ARHGAP42: variants seen among roughly 807,000 people sequenced by gnomAD.
The protein encoded by ARHGAP42 is Rho GTPase activating protein 42.
In ARHGAP42, 63 loss-of-function variants were observed where a neutral mutation model predicts 125.0. The observed-to-expected ratio is 0.50, with a 90% confidence interval of 0.41 to 0.62. The LOEUF (loss-of-function observed/expected upper bound fraction) is 0.62. ARHGAP42 is among the 20% of genes least tolerant of loss of function. The pLI, the probability that ARHGAP42 is intolerant of heterozygous loss-of-function variation, is 0.00. For missense variants in ARHGAP42, 766 were observed against 1,024.2 expected, an observed-to-expected ratio of 0.75 and a Z score of 3.44; for synonymous variants, 339 against 351.0, an observed-to-expected ratio of 0.97 and a Z score of 0.38.
chr11:100,768,705 A>T (rs1304431113), intron 1 of ARHGAP42, among the ~76,000 whole-genome samples: 1 of 152,072 alleles, frequency 6.6e-6, no homozygotes, highest in African/African-American at 2.4e-5. Flanking sequence ...GAGAGATGGG[A>T]TCTTTAAAAT....
Position 100,713,629 on chromosome 11 carries a change from G to A in ARHGAP42, c.154+25797G>A, listed in dbSNP as rs532932540. Among the ~76,000 whole-genome samples the A allele has an allele frequency of 2.6e-5, 4 of 152,106 alleles. No homozygotes were observed. In the East Asian group the frequency reaches 7.7e-4, roughly 29 times the overall value. On this transcript the variant is annotated intron_variant, in intron 1 of 23. Transcript: ENST00000298815. The stretch of plus-strand genomic sequence containing the variant: ...TACTTAAGCTAAAATAAATGACCGA[G>A]TAAAAAAAATAATTTGGTTTCTCTT...
chr11:100,716,308 C>G (rs1861659668), intron 1 of ARHGAP42, among the ~76,000 whole-genome samples: 1 of 152,086 alleles, frequency 6.6e-6, no homozygotes, highest in African/African-American at 2.4e-5. Context: ...CATTTTAAGA[C>G]CTGCTTGTGG....
chr11:100,692,702 G>A (rs149365056), intron 1 of ARHGAP42, among the ~76,000 whole-genome samples: 1 of 152,272 alleles, frequency 6.6e-6, no homozygotes, highest in African/African-American at 2.4e-5. Flanking sequence ...GTCAGTTAAG[G>A]CATTAGCCAG....
chr11:100,887,073 G>A (rs1410885156), intron 4 of ARHGAP42, among the ~76,000 whole-genome samples: 2 of 152,074 alleles, frequency 1.3e-5, no homozygotes, highest in Non-Finnish European at 2.9e-5. Flanking sequence ...GTAAATATTG[G>A]TAAGATTCCA....
chr11:100,854,174 G>T (rs1387822383), intron 3 of ARHGAP42, among the ~76,000 whole-genome samples: 1 of 152,152 alleles, frequency 6.6e-6, no homozygotes, highest in Non-Finnish European at 1.5e-5. Flanking sequence ...ATTCTCCTGA[G>T]AGTGTATTGC....
At chr11:100,925,102 G>T (rs1295522971) in intron 6 of ARHGAP42, among the ~76,000 whole-genome samples, 1 of 151,952 alleles carries the variant, frequency 6.6e-6, no homozygotes, top group Non-Finnish European at 1.5e-5. Flanking sequence ...AAAGTGCTGG[G>T]ATTACAGGCG....
intron 3 of ARHGAP42, among the ~76,000 whole-genome samples, chr11:100,811,447 TG>T (rs1864139810): frequency 6.6e-6 from 1 of 151,676 alleles, no homozygotes; most frequent in African/African-American, 2.4e-5. Context: ...GACTAGAGTT[TG>T]GGAATTCATG....
chr11:100,814,028 T>C (rs750288261), intron 3 of ARHGAP42, among the ~76,000 whole-genome samples: 17 of 152,008 alleles, frequency 1.1e-4, no homozygotes, highest in Admixed American at 5.2e-4. Context: ...CTGTCTGTAC[T>C]AAAAATACAA....
chr11:100,693,482 C>T (rs1861226411), intron 1 of ARHGAP42, among the ~76,000 whole-genome samples: 1 of 152,188 alleles, frequency 6.6e-6, no homozygotes, highest in South Asian at 2.1e-4. Context: ...TGAGCCTTGG[C>T]ACTCATTAGA....
intron 4 of ARHGAP42, among the ~76,000 whole-genome samples, chr11:100,893,287 T>G (rs143342697): frequency 6.6e-6 from 1 of 152,078 alleles, no homozygotes; most frequent in Non-Finnish European, 1.5e-5. Context: ...TTCCAGTTTG[T>G]TGTAGGTTGA....
chr11:100,697,941 G>A (rs117544570), intron 1 of ARHGAP42, among the ~76,000 whole-genome samples: 1 of 152,276 alleles, frequency 6.6e-6, no homozygotes, highest in East Asian at 1.9e-4. Context: ...TTTGGAACTT[G>A]TATTAGACTT....
chr11:100,837,666 CTTTTTTTT>C (rs373059302), intron 3 of ARHGAP42, among the ~76,000 whole-genome samples: 39 of 61,062 alleles, frequency 6.4e-4, no homozygotes, highest in Admixed American at 1.6e-3. Flanking sequence ...AGGTGTCATC[CTTTTTTTT>C]TTTTTTTTTT....
intron 13 of ARHGAP42, 55 bp downstream of exon 13, chr11:100,960,000 G>A: frequency 6.9e-7 from 1 of 1,442,106 alleles, no homozygotes; most frequent in Non-Finnish European, 9.5e-7. Flanking sequence ...TTCTTACATG[G>A]AAAACTCTCA....
chr11:100,937,424 T>A (rs539821248), intron 8 of ARHGAP42, among the ~76,000 whole-genome samples: 17 of 152,224 alleles, frequency 1.1e-4, no homozygotes, highest in Non-Finnish European at 2.1e-4. Flanking sequence ...ATTTTTATTT[T>A]TTTTTTATTG....
At chr11:100,855,900 G>T (rs1415258794) in intron 3 of ARHGAP42, among the ~76,000 whole-genome samples, 1 of 152,034 alleles carries the variant, frequency 6.6e-6, no homozygotes, top group African/African-American at 2.4e-5. Flanking sequence ...CAAGGTTTAG[G>T]TAATGGCTAG....
At chr11:100,809,517 A>G (rs557493709) in intron 3 of ARHGAP42, among the ~76,000 whole-genome samples, 1 of 152,246 alleles carries the variant, frequency 6.6e-6, no homozygotes, top group African/African-American at 2.4e-5. Context: ...GTTGTGTATG[A>G]AATTTTACAA....
chr11:100,953,873 A>C (rs1302578047), intron 12 of ARHGAP42, among the ~76,000 whole-genome samples: 1 of 4,760 alleles, frequency 2.1e-4, no homozygotes, highest in African/African-American at 5.2e-4. Flanking sequence ...ATCTATCATC[A>C]GTATTAAACA....
intron 6 of ARHGAP42, 113 bp from the exon 7 acceptor site, chr11:100,933,043 A>C (rs917936290): frequency 1.5e-6 from 1 of 684,502 alleles, no homozygotes; most frequent in African/African-American, 1.9e-5. Flanking sequence ...AAAGCCATTG[A>C]AAATGTATTA....
At chr11:100,811,503 CTT>C (rs1223541048) in intron 3 of ARHGAP42, among the ~76,000 whole-genome samples, 1 of 30,108 alleles carries the variant, frequency 3.3e-5, no homozygotes, top group Admixed American at 4.0e-4. Context: ...TCTTGACTTT[CTT>C]TTTTTTTTTT....
Sources: allele counts gnomAD v4.1 joint callset (sites outside exome capture counted in the v4.1 genomes callset), GRCh38; gene constraint gnomAD v4.1.1; transcripts MANE v1.5; gene names NCBI Gene and HGNC (gene_info 2026-07-23, HGNC 2026-07-21).